Variants in TNFAIP6 observed in about 807,000 individuals in gnomAD.
The protein encoded by TNFAIP6 is TNF alpha induced protein 6, also known as tumor necrosis factor-inducible gene 6 protein.
TNFAIP6 carries 36 observed loss-of-function variants against 33.7 expected under a neutral mutation model. The ratio of observed to expected loss-of-function variants is 1.07; its 90% CI spans 0.82 to 1.41. The LOEUF is 1.41. TNFAIP6 is among the 40% of genes most tolerant of loss of function. TNFAIP6 has a pLI of 0.00. For missense variants in TNFAIP6, 273 were observed against 331.9 expected (o/e 0.82, Z 1.38); for synonymous variants, 113 against 112.8 (o/e 1.00, Z -0.01).
At chr2:151,365,620 C>G (rs1347608245) in intron 2 of TNFAIP6, among the ~76,000 whole-genome samples, 1 of 152,094 alleles carries the variant, frequency 6.6e-6, no homozygotes, top group East Asian at 1.9e-4. Flanking sequence ...GCCTGGGTGA[C>G]AGAGTGACAC....
chr2:151,371,746 C>G (rs1172820940), intron 4 of TNFAIP6, among the ~76,000 whole-genome samples: 3 of 152,012 alleles, frequency 2.0e-5, no homozygotes, highest in African/African-American at 4.8e-5. Flanking sequence ...AGGCGCCTAC[C>G]ACTACACCTG....
intron 1 of TNFAIP6, among the ~76,000 whole-genome samples, chr2:151,363,274 C>A (rs553445498): frequency 6.6e-6 from 1 of 152,054 alleles, no homozygotes; most frequent in African/African-American, 2.4e-5. Context: ...CCAGATTGCA[C>A]CAGCCTGGGC....
At chr2:151,358,471 C>T (rs1285515423) in intron 1 of TNFAIP6, among the ~76,000 whole-genome samples, 2 of 151,994 alleles carry the variant, frequency 1.3e-5, no homozygotes, top group Admixed American at 6.6e-5. Flanking sequence ...TGCAGAAAAT[C>T]CAAAACACCC....
At chr2:151,376,417 T>C (rs2152018825) in intron 5 of TNFAIP6, among the ~76,000 whole-genome samples, 1 of 37,516 alleles carries the variant, frequency 2.7e-5, no homozygotes, top group South Asian at 1.6e-3. Context: ...ATATTCTGTC[T>C]CAAAAAAAAA....
intron 4 of TNFAIP6, chr2:151,372,346 G>A (rs953840571): frequency 6.6e-6 from 1 of 152,046 alleles, no homozygotes; most frequent in Non-Finnish European, 1.5e-5. Context: ...TTATTTCTTG[G>A]ATTTATATTA....
chr2:151,380,175 G>T (rs1684989256), downstream of TNFAIP6: 1 of 151,938 alleles, frequency 6.6e-6, no homozygotes, highest in African/African-American at 2.4e-5. Flanking sequence ...GTTTGAATTT[G>T]CATTTCTTTA....
intron 4 of TNFAIP6, among the ~76,000 whole-genome samples, chr2:151,371,108 C>T (rs1382948311): frequency 6.6e-6 from 1 of 152,062 alleles, no homozygotes; most frequent in East Asian, 1.9e-4. Flanking sequence ...TAATTGTTGC[C>T]TTTCTTCTTC....
At position 151,370,218 on chromosome 2, in the gene TNFAIP6, G is replaced by A; in HGVS notation, c.593G>A (p.Ser198Asn). 1 of 1,614,066 alleles carries A rather than the reference G, an allele frequency of 6.2e-7. No individual in the cohort carries two copies. The highest frequency in any genetic ancestry group is 8.5e-7 in the Non-Finnish European group (1 of 1,179,980). ...GCTGATTATGTTGAAATATATGACA[G>A]TTACGATGATGTCCATGGCTTTGTG... ...CLADYVEIYDSYDDVHGFVGR... is the reference protein window; with the variant it reads ...CLADYVEIYDNYDDVHGFVGR... The change falls in exon 4 of 6, where the codon AGT (serine) becomes AAT (asparagine). Residue 198 changes from serine to asparagine, a missense_variant. Transcript: ENST00000243347.
At chr2:151,378,324 G>A (rs903079255) in intron 5 of TNFAIP6, among the ~76,000 whole-genome samples, 8 of 152,106 alleles carry the variant, frequency 5.3e-5, no homozygotes, top group African/African-American at 1.9e-4. Context: ...ACGGTAAAAT[G>A]TGTTTAGGTA....
intron 4 of TNFAIP6, among the ~76,000 whole-genome samples, chr2:151,372,633 T>G (rs1451087762): frequency 1.3e-5 from 2 of 152,142 alleles, no homozygotes; most frequent in African/African-American, 4.8e-5. Context: ...GAAATAAATT[T>G]TTAAGGCTGG....
intron 4 of TNFAIP6, chr2:151,372,359 T>TAATTTACCCTTTAGGTA (rs561346975): frequency 1.3e-4 from 20 of 152,246 alleles, no homozygotes; most frequent in Non-Finnish European, 2.6e-4. Flanking sequence ...TTATATTATA[T>TAATTTACCCTTTAGGTA]AATTTACCCT....
intron 4 of TNFAIP6, chr2:151,372,000 C>T (rs1454604490): frequency 6.6e-6 from 1 of 152,306 alleles, no homozygotes; most frequent in African/African-American, 2.4e-5. Flanking sequence ...GAACAAAGTA[C>T]AGGCAGGCAC....
intron 3 of TNFAIP6, among the ~76,000 whole-genome samples, chr2:151,367,030 A>G (rs914871197): frequency 6.6e-6 from 1 of 152,148 alleles, no homozygotes; most frequent in African/African-American, 2.4e-5. Context: ...AGGATCATAA[A>G]CATCCTCAGA....
At position 151,366,148 on chromosome 2, in the gene TNFAIP6, GGC is replaced by G. The variant is rs1288271204; in HGVS notation, c.326_327del (p.Gly109AspfsTer3). 6.2e-7 allele frequency: 1 copy of G among 1,613,972 alleles called. No homozygotes were observed. The highest frequency in any genetic ancestry group is 1.3e-5 in the African/African-American group (1 of 74,898). On this transcript the variant is annotated frameshift_variant, in exon 3 of 6. Coordinates refer to ENST00000243347, the MANE Select transcript of TNFAIP6 (RefSeq NM_007115.4). LOFTEE classifies it high-confidence loss of function. ...PGPNCGFGKT[G>X]IIDYGIRLNR... ...GCCCAACTGTGGATTTGGAAAAACT[GGC>G]ATTATTGATTATGGAATCCGTCTCA... is the stretch of plus-strand genomic sequence containing the variant.
At position 151,379,531 on chromosome 2, in the gene TNFAIP6, TAA is replaced by T. The variant is rs35060021; in HGVS notation, c.*11_*12del. On this transcript the variant is annotated frameshift_variant and stop_lost, in exon 6 of 6. Transcript: ENST00000243347. LOFTEE classifies it high-confidence loss of function. ...TTTAGCTGGAAGATTTAGCCACTTA[TAA>T]AAAAAAAAAAAAGGATGATCAAAAC... Reference protein sequence around the residue: ...NFLAGRFSHL* With the variant: ...NFLAGRFSHLX The T allele has an allele frequency of 0.048, 60,968 of 1,274,654 alleles. No homozygotes were observed. The highest frequency in any genetic ancestry group is 0.093 in the South Asian group (5,746 of 61,998). 79.0% of individuals were successfully genotyped at this position (1,274,654 alleles called of 1,614,324 possible).
chr2:151,362,664 G>A (rs1026308607), intron 1 of TNFAIP6, among the ~76,000 whole-genome samples: 1 of 151,210 alleles, frequency 6.6e-6, no homozygotes, highest in Non-Finnish European at 1.5e-5. Context: ...CTAATTTTTT[G>A]TATTTTTAAT....
chr2:151,368,203 T>C (rs1376038425), intron 3 of TNFAIP6: 1 of 153,818 alleles, frequency 6.5e-6, no homozygotes, highest in Non-Finnish European at 1.5e-5. Flanking sequence ...AATTATTTTC[T>C]GTATTTTATC....
In TNFAIP6 at chr2:151,379,474, A is replaced by T. The variant is rs1363376468; in HGVS notation, c.775A>T (p.Thr259Ser). The change falls in exon 6 of 6, where the codon ACA becomes TCA. Residue 259 changes from threonine to serine, a missense_variant. Transcript: ENST00000243347. ...ATCCAAATCCAGTCAAGGAAAAAAT[A>T]CAAGTACTACTTCTACTGGAAATAA... Reference protein sequence around the residue: ...PVSKSSQGKNTSTTSTGNKNF... With the variant: ...PVSKSSQGKNSSTTSTGNKNF... 1 of 1,607,564 alleles carries T rather than the reference A, an allele frequency of 6.2e-7. No homozygotes were observed. Among genetic ancestry groups the T allele is most frequent in the Non-Finnish European group, 8.5e-7 (1 of 1,177,812 alleles).
chr2:151,373,744 CAAAAAA>C, intron 5 of TNFAIP6, 155 bp downstream of exon 5: 1 of 242,856 alleles, frequency 4.1e-6, no homozygotes, highest in Non-Finnish European at 7.5e-6. Context: ...TTGTAAAATG[CAAAAAA>C]AAAAAAAAAA....
Sources: gnomAD v4.1 joint callset for allele counts (sites outside exome capture counted in the v4.1 genomes callset) on GRCh38, gnomAD v4.1.1 for gene constraint, MANE v1.5 for transcripts, NCBI Gene and HGNC (gene_info 2026-07-23, HGNC 2026-07-21) for gene names.